CA4: variants seen among roughly 807,000 people sequenced by gnomAD.
CA4 encodes carbonic anhydrase 4.
CA4 carries 24 observed loss-of-function variants against 34.5 expected under a neutral mutation model. The observed-to-expected ratio is 0.70, with a 90% CI of 0.50 to 0.98. The LOEUF is 0.98. Ranked by LOEUF, CA4 falls within the 50% of genes least tolerant of loss-of-function variation. The pLI is 0.00. For missense variants in CA4, 394 were observed against 396.7 expected (o/e 0.99, Z 0.06); for synonymous variants, 178 against 170.6 (o/e 1.04, Z -0.34).
chr17:60,162,092 C>T (rs2145291388), downstream of CA4, among the ~76,000 whole-genome samples: 1 of 152,288 alleles, frequency 6.6e-6, no homozygotes, highest in East Asian at 1.9e-4. Context: ...CCAGAACGGG[C>T]ACAGCTTGTC....
chr17:60,156,969 G>T, intron 3 of CA4: 1 of 574,222 alleles, frequency 1.7e-6, no homozygotes, highest in Non-Finnish European at 3.1e-6. Context: ...AGGCGCGGAG[G>T]CATGGAACAG....
At chr17:60,160,457 G>T (rs1311190336), downstream of CA4, among the ~76,000 whole-genome samples, 1 of 152,130 alleles carries the variant, frequency 6.6e-6, no homozygotes, top group Non-Finnish European at 1.5e-5. Context: ...GTGAGTGCAT[G>T]GGAGAAAGAG....
intron 7 of CA4, 150 bp from the exon 8 acceptor site, chr17:60,159,080 C>A: frequency 1.4e-6 from 1 of 719,018 alleles, no homozygotes. Context: ...CTATTCTTAT[C>A]ATCTTCACGA....
At chr17:60,155,460 G>A (rs1038480488) in intron 2 of CA4, 93 bp downstream of exon 2, 15 of 963,522 alleles carry the variant, frequency 1.6e-5, no homozygotes, top group Non-Finnish European at 2.1e-5. Context: ...AAGGGGAGGG[G>A]TGATGGTGGC....
chr17:60,156,605 C>T lies in CA4; in HGVS notation c.158C>T (p.Pro53Leu), dbSNP rs748937172. The stretch of plus-strand genomic sequence containing the variant: ...AACTGCCAGAAGGACCGCCAGTCCC[C>T]CATCAACATCGTCACCACCAAGGCA... ...GGNCQKDRQS[P>L]INIVTTKAKV... The change falls in exon 3 of 8, where the codon CCC (proline) becomes CTC (leucine). Residue 53 changes from proline (P) to leucine (L), a missense_variant. Transcript: ENST00000300900. 14 of 1,613,994 alleles carry T rather than the reference C, an allele frequency of 8.7e-6. No homozygotes were observed. The East Asian group carries it at 8.9e-5, about 10-fold the overall frequency.
chr17:60,172,568 G>A (rs145304718), downstream of CA4, among the ~76,000 whole-genome samples: 6 of 152,332 alleles, frequency 3.9e-5, no homozygotes, highest in Non-Finnish European at 5.9e-5. Flanking sequence ...CATATGTGCC[G>A]TGTGGTGGCT....
At chr17:60,164,999 G>A (rs2083840853) in intron 5 of CA4, among the ~76,000 whole-genome samples, 1 of 152,200 alleles carries the variant, frequency 6.6e-6, no homozygotes, top group Non-Finnish European at 1.5e-5. Flanking sequence ...GGTGATGACA[G>A]CATTTACCTC....
chr17:60,153,710 C>CAAA (rs941094392), intron 1 of CA4, among the ~76,000 whole-genome samples: 2 of 152,170 alleles, frequency 1.3e-5, no homozygotes, highest in African/African-American at 4.8e-5. Flanking sequence ...AAAGGCAGAG[C>CAAA]GGGAGCTGGA....
chr17:60,164,169 C>T (rs2083827871), downstream of CA4, among the ~76,000 whole-genome samples: 1 of 140,938 alleles, frequency 7.1e-6, no homozygotes, highest in South Asian at 2.3e-4. Flanking sequence ...TCCCTCCCTC[C>T]CTCTCTCTCT....
chr17:60,175,569 T>TAA (rs879729768), downstream of CA4, among the ~76,000 whole-genome samples: 1 of 117,432 alleles, frequency 8.5e-6, no homozygotes, highest in Non-Finnish European at 1.8e-5. Context: ...TGTCTCTATT[T>TAA]AAAAAAAAAA....
At position 60,158,222 on chromosome 17, in the gene CA4, G is replaced by A. The variant is rs945006401; in HGVS notation, c.581-61G>A. The A allele has an allele frequency of 7.5e-6, 12 of 1,607,350 alleles. No homozygotes were observed. In the African/African-American group the frequency reaches 1.3e-4, roughly 18 times the overall value. ...GTGCGGGGAGCTGGGCTCTCAGAGT[G>A]CAGGGGAAGAGGGGCTCCTTCTCCC... On this transcript the variant is annotated intron_variant, in intron 6 of 7. Transcript: ENST00000300900.
chr17:60,152,192 C>G (rs374586770), intron 1 of CA4, among the ~76,000 whole-genome samples: 7 of 152,104 alleles, frequency 4.6e-5, no homozygotes, highest in Non-Finnish European at 8.8e-5. Context: ...GGGTAGGTAG[C>G]CCCTCTCCTT....
intron 5 of CA4, among the ~76,000 whole-genome samples, chr17:60,169,785 G>A (rs923053006): frequency 6.6e-6 from 1 of 152,186 alleles, no homozygotes; most frequent in Admixed American, 6.5e-5. Flanking sequence ...CACTGCCCCC[G>A]GCCAATGCTG....
At chr17:60,156,449 A>G (rs1346500605) in intron 2 of CA4, 111 bp from the exon 3 acceptor site, 17 of 1,086,278 alleles carry the variant, frequency 1.6e-5, no homozygotes, top group Non-Finnish European at 2.4e-5. Context: ...GGCCACCCCA[A>G]AGCGTTTCTG....
chr17:60,160,632 C>T (rs1438905679), downstream of CA4, among the ~76,000 whole-genome samples: 2 of 151,596 alleles, frequency 1.3e-5, no homozygotes, highest in Admixed American at 6.6e-5. Flanking sequence ...GGCATGGTGG[C>T]GGGTGCCGGT....
chr17:60,159,123 T>C (rs779300156), intron 7 of CA4, 107 bp from the exon 8 acceptor site: 7 of 969,576 alleles, frequency 7.2e-6, no homozygotes, highest in Non-Finnish European at 1.1e-5. Flanking sequence ...AGAGCCCCTC[T>C]TTCCTAATGA....
In CA4 at chr17:60,149,999, AC is replaced by A; in HGVS notation, c.-31del. The A allele has an allele frequency of 5.1e-6, 8 of 1,578,148 alleles. No individual in the cohort carries two copies. Among genetic ancestry groups the A allele is most frequent in the Non-Finnish European group, 4.3e-6 (5 of 1,160,038 alleles). ...CCCGCGGCGGCCTCCTCGGTGCGCG[AC>A]CCCCGGCTCAGAGGACTCTTTGCTG... On this transcript the variant is annotated 5_prime_UTR_variant, in exon 1 of 8. Coordinates refer to ENST00000300900, the MANE Select transcript of CA4 (RefSeq NM_000717.5).
intron 2 of CA4, among the ~76,000 whole-genome samples, chr17:60,156,281 G>A (rs1299290555): frequency 6.6e-6 from 1 of 152,218 alleles, no homozygotes; most frequent in Non-Finnish European, 1.5e-5. Context: ...CTACCCCGGA[G>A]CTCACAGTCA....
At chr17:60,158,002 A>G in intron 5 of CA4, 59 bp from the exon 6 acceptor site, 1 of 1,599,770 alleles carries the variant, frequency 6.3e-7, no homozygotes, top group Non-Finnish European at 8.5e-7. Context: ...GGGAGAATGA[A>G]CTGGCCACCA....
Sources: gnomAD v4.1 joint callset for allele counts (sites outside exome capture counted in the v4.1 genomes callset) on GRCh38, gnomAD v4.1.1 for gene constraint, MANE v1.5 for transcripts, NCBI Gene and HGNC (gene_info 2026-07-23, HGNC 2026-07-21) for gene names.